CPSF3: variants seen among roughly 807,000 people sequenced by gnomAD.
CPSF3 encodes cleavage and polyadenylation specificity factor subunit 3.
In CPSF3, 57 loss-of-function variants were observed where a neutral mutation model predicts 84.1. The ratio of observed to expected loss-of-function variants is 0.68; its 90% confidence interval spans 0.55 to 0.85. The LOEUF (loss-of-function observed/expected upper bound fraction) is 0.85, where lower values mean the gene tolerates loss of function less well. Ranked by LOEUF, CPSF3 falls within the 40% of genes least tolerant of loss-of-function variation. CPSF3 has a pLI of 0.00. For synonymous variants in CPSF3, 275 were observed against 278.1 expected, an observed-to-expected ratio of 0.99 and a Z score of 0.11; for missense variants, 522 against 838.8, an observed-to-expected ratio of 0.62 and a Z score of 4.66.
At chr2:9,430,631 T>G (rs931840735) in intron 3 of CPSF3, 121 bp from the exon 4 acceptor site, 1 of 862,322 alleles carries the variant, frequency 1.2e-6, no homozygotes. Context: ...TTGGTTTTTC[T>G]GAAAGTATCA....
At chr2:9,444,158 A>ATTTTTTT (rs869193869) in intron 10 of CPSF3, among the ~76,000 whole-genome samples, 1 of 123,178 alleles carries the variant, frequency 8.1e-6, no homozygotes, top group African/African-American at 3.8e-5. Context: ...ATATATATAT[A>ATTTTTTT]TTTTTTTTTT....
At chr2:9,451,073 G>GA (rs911217312) in intron 11 of CPSF3, among the ~76,000 whole-genome samples, 8 of 151,290 alleles carry the variant, frequency 5.3e-5, no homozygotes, top group Admixed American at 1.3e-4. Flanking sequence ...TATGTGGGGA[G>GA]AAAAAAAAAG....
intron 1 of CPSF3, chr2:9,424,120 G>A: frequency 2.6e-6 from 3 of 1,154,596 alleles, no homozygotes; most frequent in African/African-American, 3.2e-5. Context: ...GCTAAGAAGC[G>A]TTTTCACTTA....
chr2:9,427,446 G>A (rs1680432789), intron 1 of CPSF3, among the ~76,000 whole-genome samples: 1 of 152,234 alleles, frequency 6.6e-6, no homozygotes, highest in African/African-American at 2.4e-5. Flanking sequence ...TTTGAAAATA[G>A]TTGATATGGA....
chr2:9,424,941 C>G (rs1295988271), intron 1 of CPSF3: 1 of 152,194 alleles, frequency 6.6e-6, no homozygotes, highest in African/African-American at 2.4e-5. Context: ...TAAGATAAAA[C>G]TTGAAGAGTG....
chr2:9,451,654 C>T (rs1405295287), intron 11 of CPSF3, among the ~76,000 whole-genome samples: 1 of 151,656 alleles, frequency 6.6e-6, no homozygotes, highest in East Asian at 1.9e-4. Flanking sequence ...GCGATGATCG[C>T]ACCACTGCAT....
Position 9,451,376 on chromosome 2 carries a change from G to A in CPSF3, c.1396-1537G>A, listed in dbSNP as rs80238428. Among the ~76,000 whole-genome samples, 793 of 152,244 alleles carry A rather than the reference G, an allele frequency of 5.2e-3. 6 individuals carry two copies. The highest frequency in any genetic ancestry group is 0.018 in the African/African-American group (739 of 41,566). On this transcript the variant is annotated intron_variant, in intron 11 of 17. Transcript: ENST00000238112. ...ATATAGCACTGCCTGGTTGCTGTTT[G>A]CCCTTACTTGCTTAAAGGCAAACAA...
intron 15 of CPSF3, among the ~76,000 whole-genome samples, chr2:9,460,214 G>A (rs543798622): frequency 2.6e-5 from 4 of 152,184 alleles, no homozygotes; most frequent in Admixed American, 2.6e-4. Context: ...CGGATCACAA[G>A]GTCAGGAGAT....
chr2:9,457,544 C>T (rs933094618), intron 14 of CPSF3, among the ~76,000 whole-genome samples: 2 of 151,938 alleles, frequency 1.3e-5, no homozygotes, highest in Non-Finnish European at 2.9e-5. Context: ...TTTTAAACTC[C>T]ACCTTGTGGA....
intron 11 of CPSF3, among the ~76,000 whole-genome samples, chr2:9,450,438 A>AC: frequency 6.6e-6 from 1 of 150,830 alleles, no homozygotes; most frequent in East Asian, 2.0e-4. Flanking sequence ...TACAGGCGTG[A>AC]CCCACCGTGC....
chr2:9,459,604 C>G lies in CPSF3; in HGVS notation c.1772C>G (p.Pro591Arg). ...TTVILEVQSN[P>R]KIRKGAVQKV... ...GTGATATTGGAAGTTCAGTCAAATC[C>G]CAAAATAAGAAAAGGTAAGAGTTCA... is the stretch of plus-strand genomic sequence containing the variant. The change falls in exon 15 of 18, where the codon CCC becomes CGC. Residue 591 changes from proline to arginine, a missense_variant. Pro to Arg is a moderately radical substitution (Grantham distance 103). This residue lies in a region of CPSF3 where 193 missense variants were observed against 231.6 expected (regional missense o/e 0.83). Coordinates refer to ENST00000238112, the MANE Select transcript of CPSF3 (RefSeq NM_016207.4). 6.9e-7 allele frequency: 1 copy of G among 1,449,030 alleles called. No homozygotes were observed. The highest frequency in any genetic ancestry group is 9.6e-7 in the Non-Finnish European group (1 of 1,046,396). The allele number at this position is 1,449,030 out of a possible 1,614,324, so 89.8% of individuals were successfully genotyped here. A position where few individuals can be genotyped will look rare whatever the true frequency, so the allele number is the denominator to read the frequency against.
intron 11 of CPSF3, among the ~76,000 whole-genome samples, chr2:9,452,140 C>T (rs1356265403): frequency 6.6e-6 from 1 of 151,964 alleles, no homozygotes; most frequent in African/African-American, 2.4e-5. Context: ...ACCAGCCTGG[C>T]CAATGTGGTG....
chr2:9,439,363 C>T (rs1398540296), intron 7 of CPSF3, among the ~76,000 whole-genome samples: 1 of 151,748 alleles, frequency 6.6e-6, no homozygotes, highest in African/African-American at 2.4e-5. Context: ...GTCCCAGCTA[C>T]TCTGGAGGTT....
At chr2:9,466,206 A>G (rs10201516) in intron 15 of CPSF3, among the ~76,000 whole-genome samples, 15 of 146,154 alleles carry the variant, frequency 1.0e-4, no homozygotes, top group African/African-American at 3.0e-4. Flanking sequence ...TCACACACAC[A>G]CGCGCACACA....
chr2:9,431,551 TC>T (rs143922947), intron 4 of CPSF3, among the ~76,000 whole-genome samples: 61,564 of 129,272 alleles, frequency 0.48, 16,399 homozygotes, highest in Middle Eastern at 0.6. Flanking sequence ...TTTTTTTTTT[TC>T]TTTTTTTTTT....
At chr2:9,452,675 C>T (rs1206453105) in intron 11 of CPSF3, among the ~76,000 whole-genome samples, 1 of 152,214 alleles carries the variant, frequency 6.6e-6, no homozygotes, top group Non-Finnish European at 1.5e-5. Context: ...GCTTGTTGAA[C>T]TGATTAGAAC....
At position 9,432,414 on chromosome 2, in the gene CPSF3, A is replaced by G. The variant is rs553069007; in HGVS notation, c.342-97A>G. Reference sequence around the variant, plus strand: ...TTCATACAGTATATTTTAAAGAAATATCTTCATGGAGATGTTATCCACAAT... The same window carrying G: ...TTCATACAGTATATTTTAAAGAAATGTCTTCATGGAGATGTTATCCACAAT... On this transcript the variant is annotated intron_variant, in intron 4 of 17. Coordinates refer to ENST00000238112, the MANE Select transcript of CPSF3 (RefSeq NM_016207.4). The G allele has an allele frequency of 2.2e-5, 17 of 772,576 alleles. No homozygotes were observed. In the African/African-American group the frequency reaches 2.9e-4, roughly 13 times the overall value. The allele number at this position is 772,576 out of a possible 1,614,324, so 47.9% of individuals were successfully genotyped here.
Position 9,428,848 on chromosome 2 carries a change from T to C in CPSF3, c.114+20T>C, listed in dbSNP as rs1558448761. The C allele has an allele frequency of 7.0e-7, 1 of 1,421,440 alleles. No individual in the cohort carries two copies. Among genetic ancestry groups the C allele is most frequent in the Non-Finnish European group, 1.0e-6 (1 of 1,004,764 alleles). The allele number at this position is 1,421,440 out of a possible 1,614,324, so 88.1% of individuals were successfully genotyped here. On this transcript the variant is annotated intron_variant, in intron 2 of 17. Transcript: ENST00000238112. ...ATAATGGTAATTACTATTTTTGTAC[T>C]CAGTTTAATAGTATGGCTCTGTCTG...
intron 12 of CPSF3, 138 bp from the exon 13 acceptor site, chr2:9,455,521 T>G (rs777859362): frequency 1.2e-4 from 73 of 617,472 alleles, no homozygotes; most frequent in Non-Finnish European, 1.8e-4. Context: ...TGTAAGGTGG[T>G]ACCAAATTAA....
Sources: allele counts gnomAD v4.1 joint callset (sites outside exome capture counted in the v4.1 genomes callset), GRCh38; gene constraint gnomAD v4.1.1; regional missense constraint gnomAD v4.1.1; transcripts MANE v1.5; gene names NCBI Gene and HGNC (gene_info 2026-07-23, HGNC 2026-07-21).